Variants in COL23A1 observed in about 807,000 individuals in gnomAD.
The protein encoded by COL23A1 is collagen alpha-1(XXIII) chain.
COL23A1 carries 97 observed loss-of-function variants against 99.3 expected under a neutral mutation model. That is an observed-to-expected ratio of 0.98 (90% CI 0.83 to 1.16). COL23A1 has a LOEUF of 1.16. COL23A1 is among the 50% of genes most tolerant of loss of function. COL23A1 has a pLI of 0.00. For synonymous variants in COL23A1, 320 were observed against 308.2 expected (o/e 1.04, Z -0.40); for missense variants, 762 against 757.4 (o/e 1.01, Z -0.07).
chr5:178,548,557 T>C (rs1272737926), intron 2 of COL23A1, among the ~76,000 whole-genome samples: 1 of 147,314 alleles, frequency 6.8e-6, no homozygotes, highest in Admixed American at 6.8e-5. Flanking sequence ...CCTATTCTTT[T>C]TTTTTTTTTT....
intron 8 of COL23A1, among the ~76,000 whole-genome samples, chr5:178,264,905 CAA>C (rs1755789113): frequency 1.3e-5 from 2 of 152,206 alleles, no homozygotes; most frequent in Non-Finnish European, 2.9e-5. Context: ...CTTGGCCTCC[CAA>C]AGTGCTGGGA....
At chr5:178,403,195 C>A (rs188356878) in intron 2 of COL23A1, among the ~76,000 whole-genome samples, 5 of 151,654 alleles carry the variant, frequency 3.3e-5, no homozygotes, top group South Asian at 4.2e-4. Context: ...TGTTACTGCA[C>A]GCCAGATGTG....
At chr5:178,300,918 T>C (rs775737305) in intron 3 of COL23A1, among the ~76,000 whole-genome samples, 7 of 152,198 alleles carry the variant, frequency 4.6e-5, no homozygotes, top group Non-Finnish European at 1.0e-4. Context: ...TAGGTATGTA[T>C]CTCTTTGAGT....
intron 2 of COL23A1, among the ~76,000 whole-genome samples, chr5:178,532,445 T>C (rs752603970): frequency 1.6e-4 from 24 of 145,984 alleles, no homozygotes; most frequent in Admixed American, 4.7e-4. Context: ...GAAACAACAG[T>C]CCAGAGACAC....
At chr5:178,368,154 T>C (rs545180977) in intron 2 of COL23A1, among the ~76,000 whole-genome samples, 30 of 152,266 alleles carry the variant, frequency 2.0e-4, no homozygotes, top group Non-Finnish European at 1.6e-4. Flanking sequence ...TGGATCAACT[T>C]GTTTTGTCTA....
At chr5:178,339,339 C>T (rs923273594) in intron 2 of COL23A1, among the ~76,000 whole-genome samples, 1 of 152,228 alleles carries the variant, frequency 6.6e-6, no homozygotes, top group Non-Finnish European at 1.5e-5. Context: ...TCCTGAAAAC[C>T]TTCTCTGGCC....
intron 2 of COL23A1, among the ~76,000 whole-genome samples, chr5:178,393,434 T>A (rs1381924999): frequency 6.6e-6 from 1 of 152,156 alleles, no homozygotes; most frequent in Non-Finnish European, 1.5e-5. Context: ...CTGCAAGATG[T>A]AAACAGTTCT....
chr5:178,238,355 G>T lies in COL23A1; in HGVS notation c.*343C>A. ...AGTTTTGCGGGGGCAGGTTCTTACA[G>T]GGCAGTACCACAGCTGAGAGTCTCT... On this transcript the variant is annotated 3_prime_UTR_variant, in exon 29 of 29. Coordinates refer to ENST00000390654, the MANE Select transcript of COL23A1 (RefSeq NM_173465.4). The T allele has an allele frequency of 9.6e-6, 3 of 311,318 alleles. No individual in the cohort carries two copies. Among genetic ancestry groups the T allele is most frequent in the Admixed American group, 4.5e-5 (1 of 22,244 alleles). 19.3% of individuals were successfully genotyped at this position (311,318 alleles called of 1,614,324 possible).
In COL23A1 at chr5:178,384,992, C is replaced by A. The variant is rs922271243; in HGVS notation, c.362-78073G>T. 2.0e-5 allele frequency among the ~76,000 whole-genome samples: 3 copies of A among 152,216 alleles called. No homozygotes were observed. The highest frequency in any genetic ancestry group is 4.4e-5 in the Non-Finnish European group (3 of 68,038). ...CCACCACACTGGGCTGCCCAGCCCA[C>A]TCCACGCCGGGGGCTCTGTCCCTAG... is the stretch of plus-strand genomic sequence containing the variant. On this transcript the variant is annotated intron_variant, in intron 2 of 28. Coordinates refer to ENST00000390654, the MANE Select transcript of COL23A1 (RefSeq NM_173465.4). The surrounding 1 kb of genome is among the most constrained non-coding windows in gnomAD (Gnocchi z 5.5).
chr5:178,433,656 C>T (rs1047703280), intron 2 of COL23A1, among the ~76,000 whole-genome samples: 1 of 152,194 alleles, frequency 6.6e-6, no homozygotes, highest in South Asian at 2.1e-4. Flanking sequence ...AAAGACACTC[C>T]TATCACTCTG....
intron 2 of COL23A1, among the ~76,000 whole-genome samples, chr5:178,523,201 T>G (rs201397035): frequency 0.33 from 25,728 of 77,254 alleles, 4,215 homozygotes; most frequent in African/African-American, 0.45. Context: ...TATATATATA[T>G]AGAGAGAGAG....
intron 2 of COL23A1, among the ~76,000 whole-genome samples, chr5:178,361,082 G>A (rs1213498624): frequency 6.6e-6 from 1 of 152,110 alleles, no homozygotes; most frequent in Non-Finnish European, 1.5e-5. Context: ...TCTTTGCTGG[G>A]TCTCTAGCTA....
intron 2 of COL23A1, among the ~76,000 whole-genome samples, chr5:178,325,671 C>G (rs376404670): frequency 6.6e-6 from 1 of 152,176 alleles, no homozygotes. Flanking sequence ...CACGAGCTCC[C>G]CAAAGCTGGG....
chr5:178,496,462 AG>A (rs1337572954), intron 2 of COL23A1, among the ~76,000 whole-genome samples: 18 of 152,380 alleles, frequency 1.2e-4, no homozygotes, highest in African/African-American at 4.3e-4. Flanking sequence ...ATGAAGCTTC[AG>A]AAGTTGTAGC....
intron 9 of COL23A1, 35 bp downstream of exon 9, chr5:178,263,173 A>T: frequency 6.7e-7 from 1 of 1,497,094 alleles, no homozygotes; most frequent in Non-Finnish European, 9.3e-7. Context: ...GTTTTGGTCA[A>T]GTCCTGCGTG....
intron 2 of COL23A1, among the ~76,000 whole-genome samples, chr5:178,355,931 G>A (rs3112485): frequency 0.3 from 46,208 of 152,166 alleles, 6,989 homozygotes; most frequent in South Asian, 0.37. Flanking sequence ...CCACTTGAAT[G>A]TTGAGTGAGC....
intron 2 of COL23A1, among the ~76,000 whole-genome samples, chr5:178,546,033 G>A (rs1305532587): frequency 6.6e-6 from 1 of 151,968 alleles, no homozygotes; most frequent in Non-Finnish European, 1.5e-5. Context: ...CCTCCACGAG[G>A]CACCCTAGAT....
At chr5:178,241,873 C>T (rs778528391) in intron 27 of COL23A1, among the ~76,000 whole-genome samples, 169 bp downstream of exon 27, 4 of 152,204 alleles carry the variant, frequency 2.6e-5, no homozygotes, top group Non-Finnish European at 1.5e-5. Context: ...CAAGGGGAAC[C>T]GCGATGATGG....
intron 1 of COL23A1, among the ~76,000 whole-genome samples, chr5:178,577,660 G>A (rs1763449877): frequency 1.3e-5 from 2 of 152,212 alleles, no homozygotes; most frequent in South Asian, 2.1e-4. Flanking sequence ...ACCAGAGCGA[G>A]TGTCAAGGGG....
Sources: allele counts gnomAD v4.1 joint callset (sites outside exome capture counted in the v4.1 genomes callset), GRCh38; gene constraint gnomAD v4.1.1; non-coding constraint Gnocchi (gnomAD v3.1); transcripts MANE v1.5; gene names NCBI Gene and HGNC (gene_info 2026-07-23, HGNC 2026-07-21).